HDAC9: variants seen among roughly 807,000 people sequenced by gnomAD.
HDAC9 encodes MEF-2 interacting transcription repressor (MITR) protein.
HDAC9 carries 41 observed loss-of-function variants against 139.4 expected under a neutral mutation model. The ratio of observed to expected loss-of-function variants is 0.29; its 90% confidence interval spans 0.23 to 0.38. HDAC9 has a LOEUF of 0.38. Among genes scored for constraint, HDAC9 ranks in the 10% least tolerant of loss-of-function variants. The pLI is 1.00. For missense variants in HDAC9, 1,147 were observed against 1,297.0 expected (o/e 0.88, Z 1.78); for synonymous variants, 517 against 476.2 (o/e 1.09, Z -1.12).
intron 14 of HDAC9, among the ~76,000 whole-genome samples, chr7:18,759,251 G>C (rs1204190282): frequency 1.3e-5 from 2 of 152,102 alleles, no homozygotes; most frequent in African/African-American, 4.8e-5. Flanking sequence ...ACCACTACTG[G>C]TCCATGGCCT....
intron 1 of HDAC9, among the ~76,000 whole-genome samples, chr7:18,374,309 C>T (rs1245094876): frequency 6.6e-6 from 1 of 151,696 alleles, no homozygotes; most frequent in Non-Finnish European, 1.5e-5. Context: ...AATGTATACA[C>T]ACAAATACAC....
chr7:18,890,727 A>T (rs957463551), intron 22 of HDAC9, among the ~76,000 whole-genome samples: 1 of 152,214 alleles, frequency 6.6e-6, no homozygotes, highest in Admixed American at 6.5e-5. Context: ...TTTTTAAACT[A>T]AAAAGGAAAT....
intron 1 of HDAC9, among the ~76,000 whole-genome samples, chr7:18,345,189 G>A (rs1782310380): frequency 6.6e-6 from 1 of 151,896 alleles, no homozygotes; most frequent in African/African-American, 2.4e-5. Flanking sequence ...GACCTGAAAG[G>A]GATATTGTGT....
intron 2 of HDAC9, among the ~76,000 whole-genome samples, chr7:18,565,966 TC>T (rs1418166274): frequency 6.6e-6 from 1 of 152,134 alleles, no homozygotes; most frequent in Admixed American, 6.5e-5. Flanking sequence ...CCATCACATT[TC>T]ATAGGATCAG....
intron 1 of HDAC9, among the ~76,000 whole-genome samples, chr7:18,409,674 C>T (rs1788360385): frequency 6.6e-6 from 1 of 152,054 alleles, no homozygotes; most frequent in South Asian, 2.1e-4. Context: ...TTTTCGAGTC[C>T]ATGTTTTCAT....
At chr7:18,844,656 A>G (rs746233204) in intron 21 of HDAC9, among the ~76,000 whole-genome samples, 82 of 152,316 alleles carry the variant, frequency 5.4e-4, no homozygotes, top group Non-Finnish European at 8.2e-4. Flanking sequence ...ACAAAAGAGC[A>G]TTTTTACTGG....
chr7:18,510,421 G>A (rs984826156), intron 2 of HDAC9, among the ~76,000 whole-genome samples: 4 of 152,010 alleles, frequency 2.6e-5, no homozygotes, highest in African/African-American at 7.2e-5. Flanking sequence ...GATTACAGGT[G>A]TACTTTTATG....
rs535823072 is a variant in HDAC9, at chr7:18,726,199, G to A, written c.1732-1381G>A. On this transcript the variant is annotated intron_variant, in intron 12 of 25. Coordinates refer to ENST00000686413, the MANE Select transcript of HDAC9 (RefSeq NM_178425.4). ...ACAATTACGTAAAACCACATAATAC[G>A]CAATGAGTACAGTTGTGTTGTATAC... Among the ~76,000 whole-genome samples, 51 of 152,180 alleles carry A rather than the reference G, an allele frequency of 3.4e-4. 2 individuals carry two copies. The South Asian group carries it at 8.7e-3, about 26-fold the overall frequency.
At chr7:18,869,110 C>G (rs983174419) in intron 21 of HDAC9, among the ~76,000 whole-genome samples, 2 of 151,330 alleles carry the variant, frequency 1.3e-5, no homozygotes, top group Admixed American at 1.3e-4. Flanking sequence ...GGCATGGGAA[C>G]CCCAAATTGA....
At chr7:18,350,618 A>G (rs1421545053) in intron 1 of HDAC9, among the ~76,000 whole-genome samples, 6 of 152,162 alleles carry the variant, frequency 3.9e-5, no homozygotes, top group African/African-American at 7.2e-5. Flanking sequence ...CATTTGTTCT[A>G]TGACGGGGTT....
intron 1 of HDAC9, among the ~76,000 whole-genome samples, chr7:18,461,889 T>C (rs1034823878): frequency 6.6e-6 from 1 of 152,174 alleles, no homozygotes; most frequent in Non-Finnish European, 1.5e-5. Flanking sequence ...ATGCATCTTA[T>C]GTACCAGACA....
At chr7:18,832,361 G>C (rs1368983235) in intron 19 of HDAC9, among the ~76,000 whole-genome samples, 2 of 152,190 alleles carry the variant, frequency 1.3e-5, no homozygotes, top group Non-Finnish European at 2.9e-5. Flanking sequence ...GTAACTAGGA[G>C]TGATAACATT....
chr7:18,838,699 A>T (rs1274348710), intron 21 of HDAC9, among the ~76,000 whole-genome samples: 1 of 152,010 alleles, frequency 6.6e-6, no homozygotes, highest in Non-Finnish European at 1.5e-5. Flanking sequence ...GAACCAGAAG[A>T]TCTTTCTGGC....
At chr7:18,483,839 T>C (rs1199404159) in intron 1 of HDAC9, among the ~76,000 whole-genome samples, 1 of 152,178 alleles carries the variant, frequency 6.6e-6, no homozygotes, top group African/African-American at 2.4e-5. Flanking sequence ...CATTGTGTTA[T>C]TGGCACAGAT....
chr7:18,696,408 A>T (rs528478715), intron 12 of HDAC9, among the ~76,000 whole-genome samples: 26 of 148,562 alleles, frequency 1.8e-4, no homozygotes, highest in African/African-American at 6.1e-4. Context: ...TAATGTATAA[A>T]ACTTGTATGT....
intron 1 of HDAC9, among the ~76,000 whole-genome samples, chr7:18,467,659 A>G (rs957661946): frequency 2.0e-5 from 3 of 152,204 alleles, no homozygotes; most frequent in South Asian, 2.1e-4. Context: ...TACAGTCCCC[A>G]TATATTACTC....
intron 2 of HDAC9, among the ~76,000 whole-genome samples, chr7:18,275,606 GAGCCTCCT>G (rs1424251346): frequency 4.6e-5 from 7 of 152,112 alleles, no homozygotes; most frequent in Admixed American, 1.3e-4. Context: ...GTGGTTGCAA[GAGCCTCCT>G]TGATGTTCAC....
intron 1 of HDAC9, among the ~76,000 whole-genome samples, chr7:18,316,185 A>G (rs976271884): frequency 1.5e-4 from 23 of 152,230 alleles, no homozygotes; most frequent in Admixed American, 1.4e-3. Flanking sequence ...GAGATTTTGC[A>G]TTTCTAACAA....
At chr7:18,606,311 C>G (rs538849515) in intron 6 of HDAC9, among the ~76,000 whole-genome samples, 3 of 152,312 alleles carry the variant, frequency 2.0e-5, no homozygotes, top group Admixed American at 6.5e-5. Flanking sequence ...AAGACTACCA[C>G]TTACTTTTAA....
Sources: gnomAD v4.1 joint callset for allele counts (sites outside exome capture counted in the v4.1 genomes callset) on GRCh38, gnomAD v4.1.1 for gene constraint, MANE v1.5 for transcripts, NCBI Gene and HGNC (gene_info 2026-07-23, HGNC 2026-07-21) for gene names.